The following TMEM132D variants were observed in gnomAD, a reference collection of about 807,000 sequenced individuals.
TMEM132D encodes mature OL transmembrane protein.
Under a neutral mutation model 62.3 loss-of-function variants are expected in TMEM132D, and 21 were observed. The observed-to-expected ratio is 0.34, with a 90% confidence interval of 0.24 to 0.49. The LOEUF is 0.49. TMEM132D is among the 20% of genes least tolerant of loss of function. The pLI, the probability that TMEM132D is intolerant of heterozygous loss-of-function variation, is 0.99. For synonymous variants in TMEM132D, 621 were observed against 575.6 expected (o/e 1.08, Z -1.13); for missense variants, 1,346 against 1,402.8 (o/e 0.96, Z 0.65).
chr12:129,753,161 C>T (rs1046500916), intron 1 of TMEM132D, among the ~76,000 whole-genome samples: 4 of 152,164 alleles, frequency 2.6e-5, no homozygotes, highest in Admixed American at 1.3e-4. Context: ...TCTGTAAACC[C>T]GGGTTTACTA....
At chr12:129,361,303 C>A (rs142088209) in intron 3 of TMEM132D, among the ~76,000 whole-genome samples, 1 of 152,176 alleles carries the variant, frequency 6.6e-6, no homozygotes, top group East Asian at 1.9e-4. Context: ...TTTCTAAGCT[C>A]ATGTTGATAG....
At chr12:129,278,809 G>A (rs754861237) in intron 4 of TMEM132D, among the ~76,000 whole-genome samples, 6 of 152,194 alleles carry the variant, frequency 3.9e-5, no homozygotes, top group Non-Finnish European at 4.4e-5. Flanking sequence ...TACGTGTCAT[G>A]GGTGTTAACA....
intron 2 of TMEM132D, among the ~76,000 whole-genome samples, chr12:129,666,704 C>T (rs190285060): frequency 8.6e-4 from 131 of 152,254 alleles, no homozygotes; most frequent in African/African-American, 2.9e-3. Flanking sequence ...ATGTCCTAGG[C>T]TCCACCCCAG....
intron 3 of TMEM132D, among the ~76,000 whole-genome samples, chr12:129,339,298 T>C (rs571011037): frequency 5.1e-4 from 60 of 117,108 alleles, no homozygotes; most frequent in African/African-American, 1.7e-3. Context: ...AAAAGAAAGA[T>C]AGAAGAGGAG....
intron 1 of TMEM132D, among the ~76,000 whole-genome samples, chr12:129,799,077 C>T (rs548345860): frequency 2.0e-3 from 304 of 152,174 alleles, no homozygotes; most frequent in African/African-American, 6.9e-3. Context: ...CAATCCTGTC[C>T]AACACAGTGA....
At chr12:129,847,531 T>C (rs1873400448) in intron 1 of TMEM132D, among the ~76,000 whole-genome samples, 1 of 152,168 alleles carries the variant, frequency 6.6e-6, no homozygotes, top group South Asian at 2.1e-4. Flanking sequence ...CTGTTCACCC[T>C]TGGCCATGGC....
At chr12:129,085,443 C>G (rs937167858) in intron 5 of TMEM132D, 1 of 152,258 alleles carries the variant, frequency 6.6e-6, no homozygotes, top group Admixed American at 6.5e-5. Flanking sequence ...AGTTGCCCAC[C>G]ATGCGAGCTA....
At chr12:129,629,702 C>T (rs1191665246) in intron 2 of TMEM132D, among the ~76,000 whole-genome samples, 2 of 152,206 alleles carry the variant, frequency 1.3e-5, no homozygotes, top group African/African-American at 2.4e-5. Context: ...AAACACCATC[C>T]GTGAAAATCC....
intron 1 of TMEM132D, among the ~76,000 whole-genome samples, chr12:129,736,359 A>C (rs1326653217): frequency 5.9e-5 from 9 of 152,250 alleles, no homozygotes; most frequent in Non-Finnish European, 1.3e-4. Context: ...GTGGAGAGAA[A>C]TGTATTTTGT....
In TMEM132D at chr12:129,549,913, A is replaced by G. The variant is rs190339907; in HGVS notation, c.969-18708T>C. Reference sequence around the variant, plus strand: ...CGGCAAGTCTGTAATGTGTGAGGGAAGTAAACATTGTCGGCCTCAAAACAC... The same window carrying G: ...CGGCAAGTCTGTAATGTGTGAGGGAGGTAAACATTGTCGGCCTCAAAACAC... On this transcript the variant is annotated intron_variant, in intron 2 of 8. Coordinates refer to ENST00000422113, the MANE Select transcript of TMEM132D (RefSeq NM_133448.3). Among the ~76,000 whole-genome samples, 136 of 152,330 alleles carry G rather than the reference A, an allele frequency of 8.9e-4. No homozygotes were observed. In the Middle Eastern group the frequency reaches 0.014, roughly 15 times the overall value.
At chr12:129,486,438 C>T (rs1367242921) in intron 3 of TMEM132D, among the ~76,000 whole-genome samples, 1 of 152,112 alleles carries the variant, frequency 6.6e-6, no homozygotes, top group Non-Finnish European at 1.5e-5. Flanking sequence ...TGTGTGTTTA[C>T]CACTTATTCT....
At chr12:129,788,050 G>A (rs190684092) in intron 1 of TMEM132D, among the ~76,000 whole-genome samples, 8 of 152,292 alleles carry the variant, frequency 5.3e-5, no homozygotes, top group Non-Finnish European at 1.0e-4. Context: ...CCAACCACTC[G>A]GGGCACAGGG....
At chr12:129,361,722 T>G in intron 3 of TMEM132D, among the ~76,000 whole-genome samples, 1 of 152,224 alleles carries the variant, frequency 6.6e-6, no homozygotes, top group Non-Finnish European at 1.5e-5. Flanking sequence ...TTAAAAGATG[T>G]CATATTTAAT....
chr12:129,602,371 T>C (rs1483947081), intron 2 of TMEM132D, among the ~76,000 whole-genome samples: 1 of 152,090 alleles, frequency 6.6e-6, no homozygotes, highest in Non-Finnish European at 1.5e-5. Flanking sequence ...GAATTTTACT[T>C]CCTAAAGCAG....
At chr12:129,860,989 G>T (rs1393812048) in intron 1 of TMEM132D, among the ~76,000 whole-genome samples, 2 of 152,158 alleles carry the variant, frequency 1.3e-5, no homozygotes, top group African/African-American at 4.8e-5. Flanking sequence ...GATGAGATTT[G>T]GGTGGGGACA....
At chr12:129,492,821 C>T (rs916776212) in intron 3 of TMEM132D, among the ~76,000 whole-genome samples, 2 of 152,118 alleles carry the variant, frequency 1.3e-5, no homozygotes, top group African/African-American at 2.4e-5. Context: ...CACGGGCAAT[C>T]GGGACTTCCT....
intron 1 of TMEM132D, among the ~76,000 whole-genome samples, chr12:129,740,283 C>T (rs1254783315): frequency 6.6e-6 from 1 of 152,200 alleles, no homozygotes; most frequent in Non-Finnish European, 1.5e-5. Flanking sequence ...TTGTGACTTT[C>T]ATGGTTCAAG....
chr12:129,604,202 A>T (rs1350405916), intron 2 of TMEM132D, among the ~76,000 whole-genome samples: 1 of 152,100 alleles, frequency 6.6e-6, no homozygotes, highest in Non-Finnish European at 1.5e-5. Flanking sequence ...AGCACTAGGA[A>T]AAAAACCTAC....
At chr12:129,646,202 C>A (rs1328108386) in intron 2 of TMEM132D, among the ~76,000 whole-genome samples, 1 of 152,322 alleles carries the variant, frequency 6.6e-6, no homozygotes, top group East Asian at 1.9e-4. Context: ...TATAACAGCT[C>A]CCATTACATT....
Sources: allele counts gnomAD v4.1 joint callset (sites outside exome capture counted in the v4.1 genomes callset), GRCh38; gene constraint gnomAD v4.1.1; transcripts MANE v1.5; gene names NCBI Gene and HGNC (gene_info 2026-07-23, HGNC 2026-07-21).